Variants in DZANK1 observed in about 807,000 individuals in gnomAD.
DZANK1 encodes the protein double zinc ribbon and ankyrin repeat-containing protein 1.
In DZANK1, 91 loss-of-function variants were observed where a neutral mutation model predicts 94.5. The ratio of observed to expected loss-of-function variants is 0.96; its 90% confidence interval spans 0.81 to 1.15. DZANK1 has a LOEUF of 1.15. DZANK1 is among the 50% of genes most tolerant of loss of function. The pLI, the probability that DZANK1 is intolerant of heterozygous loss-of-function variation, is 0.00. For synonymous variants in DZANK1, 312 were observed against 325.3 expected, an observed-to-expected ratio of 0.96 and a Z score of 0.44; for missense variants, 903 against 916.4, an observed-to-expected ratio of 0.99 and a Z score of 0.19.
intron 6 of DZANK1, chr20:18,451,783 T>C: frequency 2.1e-6 from 1 of 465,124 alleles, no homozygotes; most frequent in East Asian, 5.8e-5. Context: ...ATCCGTCGGA[T>C]CCCTCAGCAA....
chr20:18,409,551 T>TACACACACACACACAC (rs71194238), intron 13 of DZANK1, among the ~76,000 whole-genome samples: 31 of 142,562 alleles, frequency 2.2e-4, no homozygotes, highest in African/African-American at 8.1e-4. Flanking sequence ...GTAATATGAA[T>TACACACACACACACAC]ACACACACAC....
intron 14 of DZANK1, among the ~76,000 whole-genome samples, chr20:18,397,784 G>A (rs1260246736): frequency 2.0e-5 from 3 of 152,128 alleles, no homozygotes; most frequent in Non-Finnish European, 2.9e-5. Flanking sequence ...GAGATGACTC[G>A]AGGACTGGGT....
At position 18,460,143 on chromosome 20, in the gene DZANK1, C is replaced by A. The variant is rs753087344; in HGVS notation, c.263+10G>T. ...CATAAATTAAATTAATCACCATGCT[C>A]TTAACTTACTTAGAGACAGCAATAG... On this transcript the variant is annotated intron_variant, in intron 3 of 20. Transcript: ENST00000262547. 1 of 1,485,656 alleles carries A rather than the reference C, an allele frequency of 6.7e-7. No homozygotes were observed. The highest frequency in any genetic ancestry group is 9.1e-7 in the Non-Finnish European group (1 of 1,098,582). 92.0% of individuals were successfully genotyped at this position (1,485,656 alleles called of 1,614,324 possible).
chr20:18,415,591 T>C (rs1363922765), intron 10 of DZANK1, 142 bp from the exon 11 acceptor site: 7 of 1,004,316 alleles, frequency 7.0e-6, no homozygotes, highest in South Asian at 4.6e-5. Flanking sequence ...TTTGTTTTTT[T>C]CCCAAAGGAG....
chr20:18,409,432 A>G (rs539376117), intron 13 of DZANK1, among the ~76,000 whole-genome samples: 1 of 152,292 alleles, frequency 6.6e-6, no homozygotes, highest in African/African-American at 2.4e-5. Flanking sequence ...TAAAGCAAGA[A>G]TCTTATAGCT....
chr20:18,423,177 A>G (rs2057876511), intron 10 of DZANK1, among the ~76,000 whole-genome samples: 1 of 152,214 alleles, frequency 6.6e-6, no homozygotes, highest in Non-Finnish European at 1.5e-5. Flanking sequence ...AGGCTATACC[A>G]GATAGCCTAG....
chr20:18,433,097 T>C (rs2058349372), intron 9 of DZANK1: 1 of 152,306 alleles, frequency 6.6e-6, no homozygotes, highest in South Asian at 2.1e-4. Context: ...TTGTTAGCTG[T>C]AGTGCAATTT....
intron 8 of DZANK1, among the ~76,000 whole-genome samples, chr20:18,434,261 C>A (rs535390287): frequency 6.6e-6 from 1 of 151,748 alleles, no homozygotes; most frequent in Non-Finnish European, 1.5e-5. Context: ...AAATGAATCA[C>A]AGGCTGGGTG....
At chr20:18,465,099 C>G in intron 2 of DZANK1, 151 bp downstream of exon 2, 1 of 554,038 alleles carries the variant, frequency 1.8e-6, no homozygotes, top group Non-Finnish European at 3.2e-6. Flanking sequence ...CATCAATGTA[C>G]AGCACTGTTT....
At chr20:18,387,778 GAA>G (rs887977313) in intron 19 of DZANK1, among the ~76,000 whole-genome samples, 16 of 152,212 alleles carry the variant, frequency 1.1e-4, no homozygotes, top group Non-Finnish European at 2.1e-4. Context: ...AGGAAATTAG[GAA>G]AGAGTTTTCT....
chr20:18,463,736 T>C (rs867168229), intron 2 of DZANK1, among the ~76,000 whole-genome samples: 1 of 152,210 alleles, frequency 6.6e-6, no homozygotes, highest in Non-Finnish European at 1.5e-5. Flanking sequence ...AAAAATTGTA[T>C]CAGCTTTTAA....
exon 17 of DZANK1, chr20:18,393,756 C>A: frequency 6.2e-6 from 10 of 1,613,386 alleles, no homozygotes; most frequent in Non-Finnish European, 8.5e-6. Flanking sequence ...TCTTGAAATT[C>A]TTTATCCTTT....
chr20:18,411,913 G>T (rs2057275758), intron 13 of DZANK1, among the ~76,000 whole-genome samples: 1 of 152,126 alleles, frequency 6.6e-6, no homozygotes, highest in African/African-American at 2.4e-5. Flanking sequence ...CCAAAGGAGG[G>T]CAACGTTGTG....
At chr20:18,444,790 A>ATTTG (rs1008897404) in intron 7 of DZANK1, among the ~76,000 whole-genome samples, 1 of 151,898 alleles carries the variant, frequency 6.6e-6, no homozygotes, top group Admixed American at 6.6e-5. Context: ...CCAACTTTAT[A>ATTTG]TTTGTTTGTT....
In DZANK1 at chr20:18,414,493, C is replaced by G. The variant is rs201370181; in HGVS notation, c.1097G>C (p.Cys366Ser). Residue 366 changes from cysteine (C) to serine (S), a missense_variant, in exon 12 of 21, where the codon TGT becomes TCT. Cys to Ser is a moderately radical substitution (Grantham distance 112). Coordinates refer to ENST00000262547, the Ensembl canonical transcript of DZANK1. ...GGCCCCACATTTAGGGCAAACAGAA[C>G]AGCCAGCAGGAATGCCGAGCTAGAG... 3 of 1,611,124 alleles carry G rather than the reference C, an allele frequency of 1.9e-6. No homozygotes were observed. The East Asian group carries it at 6.7e-5, about 36-fold the overall frequency.
intron 4 of DZANK1, among the ~76,000 whole-genome samples, chr20:18,454,859 A>G (rs939572715): frequency 1.3e-5 from 2 of 152,256 alleles, no homozygotes; most frequent in African/African-American, 4.8e-5. Context: ...CCAGGATAGC[A>G]GTGATAGGGC....
chr20:18,405,160 G>T (rs2056895646), intron 13 of DZANK1, among the ~76,000 whole-genome samples: 1 of 151,870 alleles, frequency 6.6e-6, no homozygotes, highest in South Asian at 2.1e-4. Context: ...TTGTATCATT[G>T]CACTCCAGCC....
chr20:18,463,076 C>T (rs2059528949), intron 2 of DZANK1, among the ~76,000 whole-genome samples: 1 of 152,014 alleles, frequency 6.6e-6, no homozygotes, highest in Non-Finnish European at 1.5e-5. Context: ...TTCCTTACAG[C>T]ACTATTCATA....
In DZANK1 at chr20:18,433,549, A is replaced by G. The variant is rs139306386; in HGVS notation, c.861+103T>C. 260 of 1,119,822 alleles carry G rather than the reference A, an allele frequency of 2.3e-4. 2 individuals are homozygous for G. In the African/African-American group the frequency reaches 3.0e-3, roughly 13 times the overall value. The allele number at this position is 1,119,822 out of a possible 1,614,324, so 69.4% of individuals were successfully genotyped here. On this transcript the variant is annotated intron_variant, in intron 9 of 20. Coordinates refer to ENST00000262547, the Ensembl canonical transcript of DZANK1. ...AGAACAAGATTCTGTCTCAAAAAAA[A>G]AAAAAAATTGTTACCCCATCCCACT... is the stretch of plus-strand genomic sequence containing the variant.
Sources: gnomAD v4.1 joint callset for allele counts (sites outside exome capture counted in the v4.1 genomes callset) on GRCh38, gnomAD v4.1.1 for gene constraint, MANE v1.5 for transcripts, NCBI Gene and HGNC (gene_info 2026-07-23, HGNC 2026-07-21) for gene names.